The following CPEB4 variants were observed in gnomAD, a reference collection of about 807,000 sequenced individuals.
The protein encoded by CPEB4 is cytoplasmic polyadenylation element binding protein 4, also known as cytoplasmic polyadenylation element-binding protein 4.
In CPEB4, 12 loss-of-function variants were observed where a neutral mutation model predicts 72.5. The ratio of observed to expected loss-of-function variants is 0.17; its 90% CI spans 0.11 to 0.27. The LOEUF is 0.27. Ranked by LOEUF, CPEB4 falls within the 10% of genes least tolerant of loss-of-function variation. CPEB4 has a pLI of 1.00. For missense variants in CPEB4, 614 were observed against 908.5 expected (o/e 0.68, Z 4.17); for synonymous variants, 302 against 326.3 (o/e 0.93, Z 0.80).
At chr5:173,947,852 T>C (rs2113285308) in intron 5 of CPEB4, among the ~76,000 whole-genome samples, 1 of 152,100 alleles carries the variant, frequency 6.6e-6, no homozygotes, top group African/African-American at 2.4e-5. Flanking sequence ...CAGTACATCT[T>C]GAAAAAAAAT....
At position 173,960,083 on chromosome 5, in the gene CPEB4, G is replaced by T. The variant is rs1445957688; in HGVS notation, c.*3946G>T. ...ATTTATTATAGCATTTTAAATAAGG[G>T]TAATTCATTTTTTATTAAAGTCATT... On this transcript the variant is annotated 3_prime_UTR_variant, in exon 10 of 10. Coordinates refer to ENST00000265085, the MANE Select transcript of CPEB4 (RefSeq NM_030627.4). The T allele has an allele frequency of 1.3e-5, 2 of 152,556 alleles. No homozygotes were observed. Among genetic ancestry groups the T allele is most frequent in the Non-Finnish European group, 2.9e-5 (2 of 67,984 alleles). 9.5% of individuals were successfully genotyped at this position (152,556 alleles called of 1,614,324 possible).
chr5:173,932,587 T>A, intron 3 of CPEB4, 87 bp downstream of exon 3: 1 of 981,806 alleles, frequency 1.0e-6, no homozygotes, highest in East Asian at 2.5e-5. Flanking sequence ...CATTAGTTTG[T>A]TCTGTAATGA....
Position 173,914,466 on chromosome 5 carries a change from T to C in CPEB4, c.1207+3862T>C, listed in dbSNP as rs1756788916. 2.6e-5 allele frequency among the ~76,000 whole-genome samples: 4 copies of C among 152,168 alleles called. No individual in the cohort carries two copies. In the South Asian group the frequency reaches 8.3e-4, roughly 32 times the overall value. On this transcript the variant is annotated intron_variant, in intron 2 of 9. Transcript: ENST00000265085. Reference sequence around the variant, plus strand: ...TTCCTTAGAAACAGAAAATAGAAAATTGACATTAGCCAGGTGTGGTAGCTC... The same window carrying C: ...TTCCTTAGAAACAGAAAATAGAAAACTGACATTAGCCAGGTGTGGTAGCTC...
At position 173,888,890 on chromosome 5, in the gene CPEB4, C is replaced by A. The variant is rs1345629489; in HGVS notation, c.-844C>A. 4.6e-6 allele frequency: 1 copy of A among 216,722 alleles called. No individual in the cohort carries two copies. The allele number at this position is 216,722 out of a possible 1,614,324, so 13.4% of individuals were successfully genotyped here. ...TCGAGTCTCGCTAATCCCTCCTGATCGCGACCCCCGCAAGAGGGAGAAACG... is the reference window on the plus strand; with the variant it reads ...TCGAGTCTCGCTAATCCCTCCTGATAGCGACCCCCGCAAGAGGGAGAAACG... On this transcript the variant is annotated 5_prime_UTR_variant, in exon 1 of 10. Coordinates refer to ENST00000265085, the MANE Select transcript of CPEB4 (RefSeq NM_030627.4). The surrounding 1 kb of genome is among the most constrained non-coding windows in gnomAD (Gnocchi z 4.3).
At chr5:173,929,800 A>C (rs925247928) in intron 2 of CPEB4, among the ~76,000 whole-genome samples, 6 of 152,220 alleles carry the variant, frequency 3.9e-5, no homozygotes, top group Non-Finnish European at 7.3e-5. Flanking sequence ...GTTAGCATTA[A>C]ATAATTAGAA....
In CPEB4 at chr5:173,956,089, G is replaced by A. The variant is rs1269526355; in HGVS notation, c.2142G>A (p.Val714=). ...GCAGGGAATTCCACAAGCCCCTGGT[G>A]AAGGAAGGCGGTGACCGCCCTCGGC... is the stretch of plus-strand genomic sequence containing the variant. ...RAGREFHKPL[V]KEGGDRPRHI... The change falls in exon 10 of 10, where the codon GTG becomes GTA. Residue 714 remains valine (V), a synonymous_variant. Transcript: ENST00000265085. The A allele has an allele frequency of 6.2e-7, 1 of 1,614,168 alleles. No homozygotes were observed. Among genetic ancestry groups the A allele is most frequent in the Middle Eastern group, 1.7e-4 (1 of 6,060 alleles).
Position 173,890,412 on chromosome 5 carries a change from G to C in CPEB4, c.679G>C (p.Gly227Arg), listed in dbSNP as rs771941505. Residue 227 changes from glycine (G) to arginine (R), a missense_variant, in exon 1 of 10, where the codon GGG becomes CGG. Gly to Arg is a moderately radical substitution (Grantham distance 125). This residue lies in a region of CPEB4 where 458 missense variants were observed against 548.6 expected (regional missense o/e 0.83). Coordinates refer to ENST00000265085, the MANE Select transcript of CPEB4 (RefSeq NM_030627.4). ...TGGAGGCAGCTTCTCTCCTCAGATC[G>C]GGCCTCTCTCACAGCACCACCCACA... is the stretch of plus-strand genomic sequence containing the variant. ...GFGGSFSPQIGPLSQHHPHHP... is the reference protein window; with the variant it reads ...GFGGSFSPQIRPLSQHHPHHP... 22 of 1,613,710 alleles carry C rather than the reference G, an allele frequency of 1.4e-5. No homozygotes were observed. Among genetic ancestry groups the C allele is most frequent in the Non-Finnish European group, 1.7e-5 (20 of 1,179,902 alleles).
chr5:173,903,858 C>T (rs1250376159), intron 1 of CPEB4, among the ~76,000 whole-genome samples: 1 of 149,648 alleles, frequency 6.7e-6, no homozygotes, highest in Non-Finnish European at 1.5e-5. Context: ...CAAGGGTCCT[C>T]TCTGAAACAT....
Position 173,953,121 on chromosome 5 carries a change from A to G in CPEB4, c.1811A>G (p.Tyr604Cys), listed in dbSNP as rs1477832623. Residue 604 changes from tyrosine to cysteine, a missense_variant, in exon 9 of 10, where the codon TAT (tyrosine) becomes TGT (cysteine). Tyr to Cys is a radical substitution (Grantham distance 194). Transcript: ENST00000265085. ...VELAMIMDRLYGGVCYAGIDT... is the reference protein window; with the variant it reads ...VELAMIMDRLCGGVCYAGIDT... ...CTTGCGATGATAATGGATCGGCTAT[A>G]TGGAGGTGTGTGCTACGCTGGGATT... The G allele has an allele frequency of 6.2e-7, 1 of 1,613,042 alleles. No individual in the cohort carries two copies. The highest frequency in any genetic ancestry group is 2.2e-5 in the East Asian group (1 of 44,858).
chr5:173,906,906 C>T (rs62376953), intron 1 of CPEB4, among the ~76,000 whole-genome samples: 15,552 of 152,182 alleles, frequency 0.1, 1,072 homozygotes, highest in Middle Eastern at 0.21. Flanking sequence ...TTGGGGTGCC[C>T]ATGGGGCAGG....
Position 173,960,767 on chromosome 5 carries a change from C to G in CPEB4, c.*4630C>G, listed in dbSNP as rs1003471119. The stretch of plus-strand genomic sequence containing the variant: ...TACCAAAGGGCTTGAAAACAAGTCT[C>G]TTTTGACTTCCAATTCCCAGTTCCT... On this transcript the variant is annotated 3_prime_UTR_variant, in exon 10 of 10. Transcript: ENST00000265085. The G allele has an allele frequency of 1.3e-5, 2 of 152,182 alleles. No individual in the cohort carries two copies. Among genetic ancestry groups the G allele is most frequent in the Non-Finnish European group, 2.9e-5 (2 of 68,026 alleles). 9.4% of individuals were successfully genotyped at this position (152,182 alleles called of 1,614,324 possible).
intron 2 of CPEB4, among the ~76,000 whole-genome samples, chr5:173,928,038 A>T (rs1371629505): frequency 6.6e-6 from 1 of 152,194 alleles, no homozygotes; most frequent in African/African-American, 2.4e-5. Context: ...TAAGTGAAAG[A>T]TGGCAATCTG....
In CPEB4 at chr5:173,953,114, C is replaced by A. The variant is rs763240383; in HGVS notation, c.1804C>A (p.Arg602=). ...AGTGGAGCTTGCGATGATAATGGAT[C>A]GGCTATATGGAGGTGTGTGCTACGC... The part of the protein sequence containing the change: ...RAVELAMIMD[R]LYGGVCYAGI... Residue 602 remains arginine (R), a synonymous_variant, in exon 9 of 10, where the codon CGG becomes AGG. Transcript: ENST00000265085. The A allele has an allele frequency of 1.2e-6, 2 of 1,606,026 alleles. No homozygotes were observed. The highest frequency in any genetic ancestry group is 1.1e-5 in the South Asian group (1 of 90,240).
intron 1 of CPEB4, among the ~76,000 whole-genome samples, chr5:173,907,408 T>A (rs1328276471): frequency 3.3e-5 from 5 of 152,266 alleles, no homozygotes; most frequent in African/African-American, 1.2e-4. Flanking sequence ...CTATATTTTT[T>A]ATCAATTGCT....
rs1223697047 is a variant in CPEB4, at chr5:173,910,617, A to G, written c.1207+13A>G. On this transcript the variant is annotated intron_variant, in intron 2 of 9. Coordinates refer to ENST00000265085, the MANE Select transcript of CPEB4 (RefSeq NM_030627.4). ...GATACCATTAAAGGTAAGTTTAGAA[A>G]TATACCCAATTGATTTCAGACAATA... 2.0e-6 allele frequency: 3 copies of G among 1,476,782 alleles called. No homozygotes were observed. Among genetic ancestry groups the G allele is most frequent in the Admixed American group, 3.4e-5 (2 of 59,380 alleles). 91.5% of individuals were successfully genotyped at this position (1,476,782 alleles called of 1,614,324 possible). A position where few individuals can be genotyped will look rare whatever the true frequency, so the allele number is the denominator to read the frequency against.
intron 3 of CPEB4, among the ~76,000 whole-genome samples, chr5:173,942,431 G>T (rs1420890671): frequency 6.6e-6 from 1 of 152,158 alleles, no homozygotes; most frequent in Admixed American, 6.5e-5. Flanking sequence ...AACCTACTTG[G>T]CAATAAAAAT....
At chr5:173,945,218 C>G in intron 5 of CPEB4, 78 bp downstream of exon 5, 2 of 1,256,686 alleles carry the variant, frequency 1.6e-6, no homozygotes, top group Non-Finnish European at 2.3e-6. Flanking sequence ...GTTACAATAA[C>G]AGTCTTATCT....
In CPEB4 at chr5:173,909,943, T is replaced by C. The variant is rs371871645; in HGVS notation, c.1126-580T>C. 4.2e-4 allele frequency among the ~76,000 whole-genome samples: 64 copies of C among 150,950 alleles called. No homozygotes were observed. In the East Asian group the frequency reaches 0.01, roughly 25 times the overall value. ...TGAACCCGGGAGGCAGAGGTTGTAG[T>C]GAGCTGAGATCGCACCACTGTACTC... On this transcript the variant is annotated intron_variant, in intron 1 of 9. Coordinates refer to ENST00000265085, the MANE Select transcript of CPEB4 (RefSeq NM_030627.4).
At chr5:173,894,358 C>T (rs567216198) in intron 1 of CPEB4, among the ~76,000 whole-genome samples, 40 of 152,138 alleles carry the variant, frequency 2.6e-4, no homozygotes, top group Middle Eastern at 3.4e-3. Context: ...CGGTAGCTGA[C>T]GCCTGTAATC....
Sources: gnomAD v4.1 joint callset for allele counts (sites outside exome capture counted in the v4.1 genomes callset) on GRCh38, gnomAD v4.1.1 for gene constraint, gnomAD v4.1.1 regional missense constraint, Gnocchi (gnomAD v3.1) non-coding constraint, MANE v1.5 for transcripts, NCBI Gene and HGNC (gene_info 2026-07-23, HGNC 2026-07-21) for gene names.